Variants in SAA2 observed in about 807,000 individuals in gnomAD.
SAA2 encodes serum amyloid A2.
SAA2 carries 5 observed loss-of-function variants against 9.1 expected under a neutral mutation model. The ratio of observed to expected loss-of-function variants is 0.55; its 90% CI spans 0.29 to 1.16. SAA2 has a LOEUF of 1.16. SAA2 is among the 50% of genes most tolerant of loss of function. The pLI is 0.09. For missense variants in SAA2, 94 were observed against 153.8 expected (o/e 0.61, Z 2.06); for synonymous variants, 49 against 59.8 (o/e 0.82, Z 0.83).
downstream of SAA2, chr11:18,242,808 T>C (rs535840856): frequency 9.4e-5 from 66 of 701,988 alleles, no homozygotes; most frequent in Admixed American, 9.8e-4. Flanking sequence ...GATCATGCCA[T>C]GGCACTTCAG....
exon 4 of SAA2, chr11:18,239,727 G>T: frequency 2.1e-6 from 1 of 480,718 alleles, no homozygotes; most frequent in Non-Finnish European, 3.6e-6. Flanking sequence ...GCTGTATCCA[G>T]CTTCTCCTCC....
exon 4 of SAA2, chr11:18,239,942 C>T (rs747820670): frequency 1.3e-6 from 2 of 1,550,380 alleles, no homozygotes; most frequent in South Asian, 2.4e-5. Flanking sequence ...CTTCTTCCTT[C>T]ACTCTCTACA....
At chr11:18,243,854 C>A (rs1857419000), downstream of SAA2, among the ~76,000 whole-genome samples, 2 of 152,116 alleles carry the variant, frequency 1.3e-5, no homozygotes, top group Non-Finnish European at 1.5e-5. Context: ...AGCTCCACAC[C>A]CACCCCTTTG....
chr11:18,243,360 C>T (rs554103438), downstream of SAA2, among the ~76,000 whole-genome samples: 31 of 152,098 alleles, frequency 2.0e-4, no homozygotes, highest in Non-Finnish European at 4.1e-4. Context: ...CCTCCTGCCC[C>T]CCAAAATCTA....
chr11:18,242,842 G>C (rs1000564520), downstream of SAA2: 3 of 701,258 alleles, frequency 4.3e-6, no homozygotes, highest in Non-Finnish European at 7.8e-6. Flanking sequence ...GGGAGATGCT[G>C]TCTCAAATAA....
chr11:18,239,988 T>C (rs1857295461), intron 3 of SAA2: 1 of 1,550,548 alleles, frequency 6.4e-7, no homozygotes, highest in Non-Finnish European at 8.7e-7. Flanking sequence ...GGCAGATTAA[T>C]AGGAGAAAAA....
intron 3 of SAA2, chr11:18,240,007 C>A (rs1393378215): frequency 4.5e-6 from 7 of 1,549,660 alleles, no homozygotes; most frequent in Admixed American, 3.9e-5. Context: ...AAGTCATATA[C>A]ACGTATTTTA....
downstream of SAA2, among the ~76,000 whole-genome samples, chr11:18,243,259 C>T (rs1857400523): frequency 6.6e-6 from 1 of 152,028 alleles, no homozygotes; most frequent in Non-Finnish European, 1.5e-5. Flanking sequence ...ATGTTGATTG[C>T]AAAGTTTTGA....
downstream of SAA2, among the ~76,000 whole-genome samples, chr11:18,241,747 G>A (rs931282197): frequency 1.3e-5 from 2 of 152,110 alleles, no homozygotes; most frequent in Non-Finnish European, 2.9e-5. Context: ...TGGAGACTCA[G>A]AAAGATGGAG....
chr11:18,241,282 C>A (rs1857338321), downstream of SAA2, among the ~76,000 whole-genome samples: 1 of 152,132 alleles, frequency 6.6e-6, no homozygotes. Context: ...ATACACTGCT[C>A]ATGGGAATGT....
At chr11:18,240,744 T>C (rs1003477433), downstream of SAA2, among the ~76,000 whole-genome samples, 1 of 152,168 alleles carries the variant, frequency 6.6e-6, no homozygotes, top group Non-Finnish European at 1.5e-5. Flanking sequence ...ACAACTTAAA[T>C]GTAAGACCTG....
chr11:18,247,961 G>A lies in SAA2; in HGVS notation c.51C>T (p.Ser17=), dbSNP rs1857645280. Residue 17 remains serine, a synonymous_variant, in exon 2 of 4, where the codon AGC becomes AGT. Coordinates refer to ENST00000256733, the MANE Select transcript of SAA2 (RefSeq NM_030754.5). ...LVFCSLVLSV[S]SRSFFSFLGE... is the part of the protein sequence containing the mutation. ...CAAGGAACGAAAAGAAGCTTCGGCTGCTGACACTCAGGACCAAGGAGCAGA... is the reference window on the plus strand; with the variant it reads ...CAAGGAACGAAAAGAAGCTTCGGCTACTGACACTCAGGACCAAGGAGCAGA... 1.2e-6 allele frequency: 2 copies of A among 1,613,656 alleles called. No individual in the cohort carries two copies. The highest frequency in any genetic ancestry group is 1.7e-5 in the Admixed American group (1 of 59,982).
chr11:18,246,919 C>T (rs1423845832), intron 2 of SAA2, among the ~76,000 whole-genome samples: 3 of 152,172 alleles, frequency 2.0e-5, no homozygotes, highest in Non-Finnish European at 4.4e-5. Context: ...GAGTTGAAGG[C>T]ATGGGTAGTT....
At chr11:18,240,205 T>C (rs1019684330) in intron 3 of SAA2, 63 of 716,020 alleles carry the variant, frequency 8.8e-5, no homozygotes, top group South Asian at 3.7e-4. Flanking sequence ...ATGATTCTCT[T>C]GAAATTTGAA....
At chr11:18,241,283 A>T (rs1475095178), downstream of SAA2, among the ~76,000 whole-genome samples, 1 of 152,206 alleles carries the variant, frequency 6.6e-6, no homozygotes, top group Non-Finnish European at 1.5e-5. Context: ...TACACTGCTC[A>T]TGGGAATGTC....
chr11:18,244,661 G>A (rs186543366), downstream of SAA2, among the ~76,000 whole-genome samples: 1 of 152,226 alleles, frequency 6.6e-6, no homozygotes, highest in East Asian at 1.9e-4. Flanking sequence ...TCTCTCCACT[G>A]CCACCACTTC....
At chr11:18,243,633 A>G (rs372412270), downstream of SAA2, among the ~76,000 whole-genome samples, 4 of 151,964 alleles carry the variant, frequency 2.6e-5, no homozygotes, top group African/African-American at 9.7e-5. Flanking sequence ...CTATACCTAC[A>G]CTTCTATTAG....
chr11:18,240,169 C>A, intron 3 of SAA2: 2 of 738,952 alleles, frequency 2.7e-6, no homozygotes, highest in Non-Finnish European at 2.4e-6. Flanking sequence ...AATGAGTGGA[C>A]CTGGGGAATA....
chr11:18,243,632 C>T (rs1262697022), downstream of SAA2, among the ~76,000 whole-genome samples: 2 of 152,338 alleles, frequency 1.3e-5, no homozygotes, highest in Admixed American at 6.5e-5. Context: ...CCTATACCTA[C>T]ACTTCTATTA....
Sources: gnomAD v4.1 joint callset for allele counts (sites outside exome capture counted in the v4.1 genomes callset) on GRCh38, gnomAD v4.1.1 for gene constraint, MANE v1.5 for transcripts, NCBI Gene and HGNC (gene_info 2026-07-23, HGNC 2026-07-21) for gene names.